CD47: variants seen among roughly 807,000 people sequenced by gnomAD.
CD47 encodes leukocyte surface antigen CD47.
Under a neutral mutation model 44.6 loss-of-function variants are expected in CD47, and 11 were observed. The ratio of observed to expected loss-of-function variants is 0.25; its 90% CI spans 0.16 to 0.41. The LOEUF is 0.41. Among genes scored for constraint, CD47 ranks in the 10% least tolerant of loss-of-function variants. The pLI is 1.00. For synonymous variants in CD47, 140 were observed against 136.3 expected, an observed-to-expected ratio of 1.03 and a Z score of -0.19; for missense variants, 306 against 386.7, an observed-to-expected ratio of 0.79 and a Z score of 1.75.
intron 8 of CD47, 116 bp from the exon 9 acceptor site, chr3:108,050,718 CA>C (rs566494643): frequency 0.04 from 16,121 of 401,910 alleles, no homozygotes; most frequent in South Asian, 0.056. Context: ...ATCCTACAGT[CA>C]AAAAAAAAAG....
chr3:108,061,405 A>G (rs913779335), intron 3 of CD47, among the ~76,000 whole-genome samples: 9 of 152,228 alleles, frequency 5.9e-5, no homozygotes, highest in African/African-American at 1.9e-4. Flanking sequence ...CTTATAAAAA[A>G]TTAGTAAACA....
At chr3:108,059,223 G>A (rs778728811) in intron 5 of CD47, among the ~76,000 whole-genome samples, 22 of 152,162 alleles carry the variant, frequency 1.4e-4, no homozygotes, top group Non-Finnish European at 2.9e-4. Flanking sequence ...TTAAAATTAT[G>A]CTGATTGGCA....
chr3:108,055,811 G>C (rs1199852533), intron 7 of CD47, among the ~76,000 whole-genome samples: 1 of 152,172 alleles, frequency 6.6e-6, no homozygotes, highest in African/African-American at 2.4e-5. Context: ...TTGGAGGAAC[G>C]TAAGTGATGG....
chr3:108,089,955 C>T (rs2079596610), intron 1 of CD47, among the ~76,000 whole-genome samples: 2 of 128,690 alleles, frequency 1.6e-5, no homozygotes, highest in Non-Finnish European at 3.0e-5. Context: ...TTTTTACAGA[C>T]GAAGCACACG....
Position 108,075,510 on chromosome 3 carries a change from T to C in CD47, c.401-4328A>G, listed in dbSNP as rs79970237. On this transcript the variant is annotated intron_variant, in intron 2 of 10. Coordinates refer to ENST00000361309, the MANE Select transcript of CD47 (RefSeq NM_001777.4). ...AATCCTAAAATGCAAACCAAATTTT[T>C]ACTTGATGTTTCAGGATTGTGATGG... is the stretch of plus-strand genomic sequence containing the variant. 4.2e-3 allele frequency among the ~76,000 whole-genome samples: 632 copies of C among 152,286 alleles called. 3 individuals carry two copies. The highest frequency in any genetic ancestry group is 0.014 in the African/African-American group (592 of 41,558).
At chr3:108,048,379 T>TG (rs1352380107) in intron 10 of CD47, among the ~76,000 whole-genome samples, 3 of 129,472 alleles carry the variant, frequency 2.3e-5, no homozygotes, top group Non-Finnish European at 4.8e-5. Flanking sequence ...GTGTTTTTTT[T>TG]TTTTTTTTTT....
At position 108,043,938 on chromosome 3, in the gene CD47, C is replaced by T. The variant is rs974574049; in HGVS notation, c.*3350G>A. Reference sequence around the variant, plus strand: ...CACTGAAAATGACCTAACAAAGGACCCCAGCAGGTGATGGCAGTTAGTAAT... The same window carrying T: ...CACTGAAAATGACCTAACAAAGGACTCCAGCAGGTGATGGCAGTTAGTAAT... On this transcript the variant is annotated 3_prime_UTR_variant, in exon 11 of 11. Transcript: ENST00000361309. 2 of 152,458 alleles carry T rather than the reference C, an allele frequency of 1.3e-5. No homozygotes were observed. The highest frequency in any genetic ancestry group is 1.5e-5 in the Non-Finnish European group (1 of 68,020). The allele number at this position is 152,458 out of a possible 1,614,324, so 9.4% of individuals were successfully genotyped here. A position where few individuals can be genotyped will look rare whatever the true frequency, so the allele number is the denominator to read the frequency against.
chr3:108,089,282 T>A (rs531750455), intron 1 of CD47, among the ~76,000 whole-genome samples: 23 of 152,306 alleles, frequency 1.5e-4, no homozygotes, highest in Middle Eastern at 3.4e-3. Context: ...ACTCTAGGGA[T>A]TCGAACACAT....
At chr3:108,073,199 C>A (rs1366266548) in intron 2 of CD47, among the ~76,000 whole-genome samples, 3 of 151,920 alleles carry the variant, frequency 2.0e-5, no homozygotes, top group East Asian at 1.9e-4. Flanking sequence ...GATGAGCTGA[C>A]AATGAAATGT....
chr3:108,064,570 T>C (rs1226832212), intron 3 of CD47, among the ~76,000 whole-genome samples: 2 of 152,132 alleles, frequency 1.3e-5, no homozygotes, highest in Non-Finnish European at 1.5e-5. Context: ...ATCAAGTCTA[T>C]CATGCTAAGT....
At chr3:108,074,889 G>C (rs1475265109) in intron 2 of CD47, among the ~76,000 whole-genome samples, 1 of 152,100 alleles carries the variant, frequency 6.6e-6, no homozygotes. Flanking sequence ...AGAACCAACT[G>C]AGATGCTGGG....
At chr3:108,084,884 C>T (rs988523412) in intron 1 of CD47, among the ~76,000 whole-genome samples, 2 of 152,028 alleles carry the variant, frequency 1.3e-5, no homozygotes, top group Non-Finnish European at 2.9e-5. Flanking sequence ...TACTGCCATA[C>T]CCTTCTAACC....
chr3:108,058,394 C>T lies in CD47; in HGVS notation c.727G>A (p.Val243Ile), dbSNP rs1476395765. Reference sequence around the variant, plus strand: ...AGGATATAGGCTATCACCTGAATAACCAATATGGCAATGACGAAGGAGGTT... The same window carrying T: ...AGGATATAGGCTATCACCTGAATAATCAATATGGCAATGACGAAGGAGGTT... ...GLTSFVIAIL[V>I]IQVIAYILAV... is the part of the protein sequence containing the mutation. Residue 243 changes from valine to isoleucine, a missense_variant, in exon 6 of 11, where the codon GTT (valine) becomes ATT (isoleucine). Val to Ile is a conservative substitution (Grantham distance 29). Coordinates refer to ENST00000361309, the MANE Select transcript of CD47 (RefSeq NM_001777.4). The T allele has an allele frequency of 6.4e-7, 1 of 1,567,858 alleles. No homozygotes were observed. The highest frequency in any genetic ancestry group is 8.7e-7 in the Non-Finnish European group (1 of 1,154,514).
chr3:108,061,108 A>T (rs1256995556), intron 3 of CD47, among the ~76,000 whole-genome samples: 1 of 151,498 alleles, frequency 6.6e-6, no homozygotes, highest in Admixed American at 6.6e-5. Flanking sequence ...TCTATACATC[A>T]GTCTTTCTCG....
rs374175972 is a variant in CD47, at chr3:108,047,696, T to C, written c.968-404A>G. On this transcript the variant is annotated intron_variant, in intron 10 of 10. Transcript: ENST00000361309. ...AAGAGAAAAATGGTACTGACTCTGA[T>C]CCCTAGGAAGCACCCTGAACCTCAT... is the stretch of plus-strand genomic sequence containing the variant. Among the ~76,000 whole-genome samples, 3 of 152,320 alleles carry C rather than the reference T, an allele frequency of 2.0e-5. No homozygotes were observed. In the East Asian group the frequency reaches 5.8e-4, roughly 29 times the overall value.
At position 108,046,677 on chromosome 3, in the gene CD47, C is replaced by A. The variant is rs578014427; in HGVS notation, c.*611G>T. ...TGAAGGGGGAATGTGGGAATGGCAA[C>A]CCCCAAGAATGAGGACCACTATCTC... On this transcript the variant is annotated 3_prime_UTR_variant, in exon 11 of 11. Coordinates refer to ENST00000361309, the MANE Select transcript of CD47 (RefSeq NM_001777.4). 2.6e-5 allele frequency: 4 copies of A among 152,468 alleles called. No individual in the cohort carries two copies. The East Asian group carries it at 7.7e-4, about 29-fold the overall frequency. The allele number at this position is 152,468 out of a possible 1,614,324, so 9.4% of individuals were successfully genotyped here.
chr3:108,054,919 T>G (rs1176782241), intron 7 of CD47, among the ~76,000 whole-genome samples: 2 of 152,172 alleles, frequency 1.3e-5, no homozygotes, highest in Non-Finnish European at 2.9e-5. Flanking sequence ...GAGAAAGTAT[T>G]GATCCTTATA....
At chr3:108,055,489 C>T in intron 7 of CD47, 4 of 1,210,556 alleles carry the variant, frequency 3.3e-6, no homozygotes, top group Non-Finnish European at 4.4e-6. Flanking sequence ...TCCTAGTCTA[C>T]CATGTTATCT....
intron 2 of CD47, among the ~76,000 whole-genome samples, chr3:108,075,513 T>C (rs1456017545): frequency 6.6e-6 from 1 of 152,162 alleles, no homozygotes; most frequent in Non-Finnish European, 1.5e-5. Context: ...AAATTTTTAC[T>C]TGATGTTTCA....
Sources: gnomAD v4.1 joint callset for allele counts (sites outside exome capture counted in the v4.1 genomes callset) on GRCh38, gnomAD v4.1.1 for gene constraint, MANE v1.5 for transcripts, NCBI Gene and HGNC (gene_info 2026-07-23, HGNC 2026-07-21) for gene names.